The following ADGRL2 variants were observed in gnomAD, a reference collection of about 807,000 sequenced individuals.
ADGRL2 encodes the protein calcium-independent alpha-latrotoxin receptor 2.
In ADGRL2, 44 loss-of-function variants were observed where a neutral mutation model predicts 157.4. The observed-to-expected ratio is 0.28, with a 90% CI of 0.22 to 0.36. ADGRL2 has a LOEUF of 0.36. Ranked by LOEUF, ADGRL2 falls within the 10% of genes least tolerant of loss-of-function variation. ADGRL2 has a pLI of 1.00. For missense variants in ADGRL2, 1,510 were observed against 1,768.9 expected (o/e 0.85, Z 2.63); for synonymous variants, 585 against 624.7 (o/e 0.94, Z 0.95).
intron 1 of ADGRL2, among the ~76,000 whole-genome samples, chr1:81,342,699 T>C (rs1662162222): frequency 6.6e-6 from 1 of 152,186 alleles, no homozygotes; most frequent in South Asian, 2.1e-4. Context: ...ACATATTAAG[T>C]ATCTTATATT....
chr1:81,988,687 C>T (rs147687593), intron 23 of ADGRL2, among the ~76,000 whole-genome samples: 1 of 152,032 alleles, frequency 6.6e-6, no homozygotes, highest in Non-Finnish European at 1.5e-5. Context: ...CTCATTTTCT[C>T]ATTTTTTTGC....
At chr1:81,803,631 G>A (rs952126595) in intron 1 of ADGRL2, among the ~76,000 whole-genome samples, 1 of 151,886 alleles carries the variant, frequency 6.6e-6, no homozygotes, top group Admixed American at 6.6e-5. Context: ...TTTTCCTCCT[G>A]TTTCTTGAAA....
chr1:81,364,360 A>G (rs184997178), intron 1 of ADGRL2, among the ~76,000 whole-genome samples: 1 of 152,296 alleles, frequency 6.6e-6, no homozygotes, highest in Admixed American at 6.5e-5. Flanking sequence ...AACCTATATA[A>G]TCACTTCATA....
At chr1:81,625,399 A>T (rs982123014) in intron 3 of ADGRL2, among the ~76,000 whole-genome samples, 1 of 152,128 alleles carries the variant, frequency 6.6e-6, no homozygotes, top group African/African-American at 2.4e-5. Context: ...AATAAGGGGT[A>T]TGTTGGGTGA....
At chr1:81,850,857 T>A (rs1279441260) in intron 2 of ADGRL2, among the ~76,000 whole-genome samples, 1 of 151,916 alleles carries the variant, frequency 6.6e-6, no homozygotes, top group Non-Finnish European at 1.5e-5. Flanking sequence ...CTCCTTTATA[T>A]GTTTCAGCTA....
intron 2 of ADGRL2, chr1:81,579,481 C>T (rs897840562): frequency 2.6e-5 from 4 of 152,022 alleles, no homozygotes; most frequent in Admixed American, 2.0e-4. Context: ...TAATGAAGAT[C>T]TTCAAATGGA....
chr1:81,984,399 C>CTATTTCAGTAA (rs2149476347), intron 19 of ADGRL2, 184 bp from the exon 20 acceptor site: 1 of 522,148 alleles, frequency 1.9e-6, no homozygotes, highest in Non-Finnish European at 3.3e-6. Flanking sequence ...GACAGAGATA[C>CTATTTCAGTAA]TTTTCTGATT....
chr1:81,939,772 A>T (rs899633003), intron 4 of ADGRL2, among the ~76,000 whole-genome samples: 2 of 151,326 alleles, frequency 1.3e-5, no homozygotes, highest in African/African-American at 4.8e-5. Context: ...ATTTTATTGT[A>T]TTTTTGTACT....
chr1:81,313,004 C>T (rs1401806203), intron 1 of ADGRL2, among the ~76,000 whole-genome samples: 1 of 152,102 alleles, frequency 6.6e-6, no homozygotes. Context: ...AAAAAATACC[C>T]ATTTCTCAGC....
intron 1 of ADGRL2, among the ~76,000 whole-genome samples, chr1:81,816,363 A>G (rs1450189603): frequency 6.6e-6 from 1 of 151,842 alleles, no homozygotes; most frequent in Non-Finnish European, 1.5e-5. Flanking sequence ...TTTTTGCACT[A>G]TTCTTAAGAA....
chr1:81,809,572 A>G (rs1435975854), intron 1 of ADGRL2, among the ~76,000 whole-genome samples: 1 of 151,894 alleles, frequency 6.6e-6, no homozygotes, highest in Non-Finnish European at 1.5e-5. Context: ...TTTTTTCTGA[A>G]TGAATAAGAA....
chr1:81,902,560 T>C (rs1270999231), intron 2 of ADGRL2, among the ~76,000 whole-genome samples: 1 of 152,064 alleles, frequency 6.6e-6, no homozygotes. Context: ...ATTGCACCAC[T>C]GCACTCCTGC....
At chr1:81,699,898 TAC>T (rs2083523458) in intron 1 of ADGRL2, 1 of 152,238 alleles carries the variant, frequency 6.6e-6, no homozygotes, top group Non-Finnish European at 1.5e-5. Flanking sequence ...AAATGTAGAT[TAC>T]TAGGGCAATC....
At chr1:81,966,209 G>A (rs2149277285) in intron 12 of ADGRL2, 26 bp downstream of exon 12, 4 of 1,613,466 alleles carry the variant, frequency 2.5e-6, no homozygotes, top group Non-Finnish European at 3.4e-6. Flanking sequence ...TTTAAAAATT[G>A]ACAGTTTTTG....
intron 1 of ADGRL2, among the ~76,000 whole-genome samples, chr1:81,717,318 C>A (rs2084151994): frequency 6.6e-6 from 1 of 152,152 alleles, no homozygotes; most frequent in Admixed American, 6.5e-5. Context: ...GAAAGAGGCA[C>A]AGCATGGCTC....
intron 1 of ADGRL2, among the ~76,000 whole-genome samples, chr1:81,755,476 C>G (rs995579258): frequency 6.6e-6 from 1 of 151,874 alleles, no homozygotes; most frequent in African/African-American, 2.4e-5. Flanking sequence ...AGAATGAATA[C>G]AGTTTTTCCA....
At chr1:81,879,437 T>C (rs2151177627) in intron 2 of ADGRL2, among the ~76,000 whole-genome samples, 1 of 152,188 alleles carries the variant, frequency 6.6e-6, no homozygotes, top group South Asian at 2.1e-4. Flanking sequence ...AGTAGCAAGT[T>C]GGCTTAGACA....
chr1:81,946,567 A>C (rs572873347), intron 6 of ADGRL2, among the ~76,000 whole-genome samples: 1 of 152,150 alleles, frequency 6.6e-6, no homozygotes, highest in South Asian at 2.1e-4. Flanking sequence ...CAAATATTAT[A>C]AAGAAAATGA....
chr1:81,381,773 G>A (rs1306650310), intron 1 of ADGRL2, among the ~76,000 whole-genome samples: 2 of 152,128 alleles, frequency 1.3e-5, no homozygotes, highest in Non-Finnish European at 2.9e-5. Flanking sequence ...TAAACCTTAT[G>A]TGGTTGTGGT....
Sources: gnomAD v4.1 joint callset for allele counts (sites outside exome capture counted in the v4.1 genomes callset) on GRCh38, gnomAD v4.1.1 for gene constraint, MANE v1.5 for transcripts, NCBI Gene and HGNC (gene_info 2026-07-23, HGNC 2026-07-21) for gene names.